MDGA2: variants seen among roughly 807,000 people sequenced by gnomAD.
MDGA2 encodes MAM domain-containing glycosylphosphatidylinositol anchor protein 2.
In MDGA2, 40 loss-of-function variants were observed where a neutral mutation model predicts 117.8. The observed-to-expected ratio is 0.34, with a 90% CI of 0.26 to 0.44. MDGA2 has a LOEUF of 0.44. Ranked by LOEUF, MDGA2 falls within the 20% of genes least tolerant of loss-of-function variation. The pLI, the probability that MDGA2 is intolerant of heterozygous loss-of-function variation, is 1.00. For synonymous variants in MDGA2, 452 were observed against 439.0 expected (o/e 1.03, Z -0.37); for missense variants, 1,123 against 1,250.6 (o/e 0.90, Z 1.54).
intron 7 of MDGA2, among the ~76,000 whole-genome samples, chr14:47,036,110 A>G (rs183586155): frequency 9.9e-5 from 15 of 151,894 alleles, no homozygotes; most frequent in African/African-American, 3.6e-4. Context: ...TCTACTAAAA[A>G]TACAAAAAAA....
chr14:47,608,236 C>T, intron 1 of MDGA2, among the ~76,000 whole-genome samples: 1 of 152,070 alleles, frequency 6.6e-6, no homozygotes, highest in East Asian at 1.9e-4. Flanking sequence ...CAAGTAGTTC[C>T]TCGTGAATTG....
chr14:47,110,996 T>C (rs896898272), intron 5 of MDGA2, among the ~76,000 whole-genome samples: 7 of 152,234 alleles, frequency 4.6e-5, no homozygotes, highest in Admixed American at 3.9e-4. Flanking sequence ...TAAGTACCAA[T>C]TGCATACCAG....
At chr14:47,312,079 T>C (rs1269021087) in intron 1 of MDGA2, among the ~76,000 whole-genome samples, 1 of 152,190 alleles carries the variant, frequency 6.6e-6, no homozygotes, top group African/African-American at 2.4e-5. Context: ...CAATTATTAG[T>C]ACATATTACA....
intron 1 of MDGA2, among the ~76,000 whole-genome samples, chr14:47,370,271 T>A (rs1391243891): frequency 6.7e-6 from 1 of 149,360 alleles, no homozygotes; most frequent in Non-Finnish European, 1.5e-5. Flanking sequence ...AACAAATAAT[T>A]ACATAACTTA....
chr14:47,163,371 G>A (rs1348702037), intron 3 of MDGA2, among the ~76,000 whole-genome samples: 1 of 152,144 alleles, frequency 6.6e-6, no homozygotes, highest in Admixed American at 6.5e-5. Flanking sequence ...CCAATGTTAG[G>A]GGAGGGACCT....
At chr14:46,865,011 C>T (rs1881688906) in intron 14 of MDGA2, among the ~76,000 whole-genome samples, 1 of 151,828 alleles carries the variant, frequency 6.6e-6, no homozygotes, top group Non-Finnish European at 1.5e-5. Context: ...TGGCGTTTAA[C>T]TCCAAGGGAA....
intron 1 of MDGA2, among the ~76,000 whole-genome samples, chr14:47,611,001 T>A (rs1246833583): frequency 6.6e-6 from 1 of 151,934 alleles, no homozygotes; most frequent in Non-Finnish European, 1.5e-5. Flanking sequence ...GGTACTGGTA[T>A]AAAAATAGGC....
chr14:47,427,491 C>T lies in MDGA2; in HGVS notation c.281-125941G>A, dbSNP rs199947015. On this transcript the variant is annotated intron_variant, in intron 1 of 16. Transcript: ENST00000399232. Reference sequence around the variant, plus strand: ...AGTGACAAGAAAAAAGTTTTTGGACCAGGTTCTCCATGTCATTTTGTAATT... The same window carrying T: ...AGTGACAAGAAAAAAGTTTTTGGACTAGGTTCTCCATGTCATTTTGTAATT... 2.0e-5 allele frequency among the ~76,000 whole-genome samples: 3 copies of T among 150,950 alleles called. No individual in the cohort carries two copies. The East Asian group carries it at 5.8e-4, about 29-fold the overall frequency.
intron 1 of MDGA2, among the ~76,000 whole-genome samples, chr14:47,337,084 A>C (rs1277279125): frequency 2.6e-5 from 4 of 152,014 alleles, no homozygotes; most frequent in Non-Finnish European, 5.9e-5. Flanking sequence ...TCTCTTTTCA[A>C]ATCTGATTCC....
At chr14:47,011,950 A>T (rs1321715719) in intron 8 of MDGA2, among the ~76,000 whole-genome samples, 2 of 151,824 alleles carry the variant, frequency 1.3e-5, no homozygotes, top group Non-Finnish European at 2.9e-5. Context: ...ACATAATGTC[A>T]AAGTGTTCAG....
Position 47,167,254 on chromosome 14 carries a change from T to C in MDGA2, c.596-22980A>G, listed in dbSNP as rs138685121. The stretch of plus-strand genomic sequence containing the variant: ...TGGATAAAACAAATTCTCATTAAAG[T>C]TGAATAAGAATTAGTTTATCATACT... On this transcript the variant is annotated intron_variant, in intron 3 of 16. Transcript: ENST00000399232. 3.5e-3 allele frequency among the ~76,000 whole-genome samples: 528 copies of C among 152,244 alleles called. 6 individuals carry two copies. The highest frequency in any genetic ancestry group is 0.012 in the African/African-American group (503 of 41,536).
chr14:47,021,913 G>A (rs558253716), intron 8 of MDGA2, among the ~76,000 whole-genome samples: 13 of 151,936 alleles, frequency 8.6e-5, no homozygotes, highest in Admixed American at 2.6e-4. Flanking sequence ...GACTGTAACC[G>A]TATTTATAGT....
At chr14:47,018,145 CTTT>C (rs11342451) in intron 8 of MDGA2, among the ~76,000 whole-genome samples, 1 of 151,034 alleles carries the variant, frequency 6.6e-6, no homozygotes, top group African/African-American at 2.4e-5. Flanking sequence ...GGGTAATTGA[CTTT>C]TTTTTTCCCC....
chr14:47,034,059 T>A (rs1594548859), intron 8 of MDGA2, among the ~76,000 whole-genome samples: 1 of 152,232 alleles, frequency 6.6e-6, no homozygotes, highest in Non-Finnish European at 1.5e-5. Context: ...ATCTGTTTAA[T>A]GAAAACTTGA....
In MDGA2 at chr14:47,123,441, A is replaced by G. The variant is rs191444033; in HGVS notation, c.925+8273T>C. 2.1e-3 allele frequency among the ~76,000 whole-genome samples: 321 copies of G among 152,096 alleles called. 2 individuals carry two copies. Among genetic ancestry groups the G allele is most frequent in the Middle Eastern group, 0.014 (4 of 294 alleles). Reference sequence around the variant, plus strand: ...AAGATTTGCTGTCTTATCATCATCTATATTTTTACATTTCTGAAGTTACAT... The same window carrying G: ...AAGATTTGCTGTCTTATCATCATCTGTATTTTTACATTTCTGAAGTTACAT... On this transcript the variant is annotated intron_variant, in intron 5 of 16. Transcript: ENST00000399232.
chr14:47,456,755 T>C (rs1893363682), intron 1 of MDGA2, among the ~76,000 whole-genome samples: 1 of 152,164 alleles, frequency 6.6e-6, no homozygotes, highest in South Asian at 2.1e-4. Context: ...AGAAATACGA[T>C]GTTTGAAATT....
At chr14:47,413,135 T>A (rs1349237451) in intron 1 of MDGA2, among the ~76,000 whole-genome samples, 1 of 152,192 alleles carries the variant, frequency 6.6e-6, no homozygotes, top group Non-Finnish European at 1.5e-5. Context: ...CAAACTGACA[T>A]TAAACCTGGC....
At chr14:47,227,209 T>C (rs1198515860) in intron 2 of MDGA2, among the ~76,000 whole-genome samples, 1 of 152,162 alleles carries the variant, frequency 6.6e-6, no homozygotes, top group Non-Finnish European at 1.5e-5. Context: ...AATAAGGTAC[T>C]AGGGATTCAG....
rs561799871 is a variant in MDGA2, at chr14:46,920,955, G to A, written c.2090-795C>T. 1.1e-4 allele frequency among the ~76,000 whole-genome samples: 16 copies of A among 152,164 alleles called. 1 individual carries two copies. Among genetic ancestry groups the A allele is most frequent in the African/African-American group, 3.4e-4 (14 of 41,540 alleles). On this transcript the variant is annotated intron_variant, in intron 9 of 16. Transcript: ENST00000399232. The stretch of plus-strand genomic sequence containing the variant: ...AGATTTTTAAAGAAATGTGAATTAC[G>A]TATAGTGTATATACCACATACAAAC...
Sources: allele counts gnomAD v4.1 joint callset (sites outside exome capture counted in the v4.1 genomes callset), GRCh38; gene constraint gnomAD v4.1.1; transcripts MANE v1.5; gene names NCBI Gene and HGNC (gene_info 2026-07-23, HGNC 2026-07-21).